UGT1A7: variants seen among roughly 807,000 people sequenced by gnomAD.
UGT1A7 encodes UDP-glucuronosyltransferase 1A7.
A neutral mutation model predicts 45.6 loss-of-function variants in UGT1A7; 33 were observed. The ratio of observed to expected loss-of-function variants is 0.72; its 90% CI spans 0.55 to 0.97. The LOEUF is 0.97. Ranked by LOEUF, UGT1A7 falls within the 50% of genes least tolerant of loss-of-function variation. The pLI is 0.00. For missense variants in UGT1A7, 684 were observed against 666.2 expected (o/e 1.03, Z -0.29); for synonymous variants, 274 against 250.6 (o/e 1.09, Z -0.88).
intron 1 of UGT1A7, among the ~76,000 whole-genome samples, chr2:233,726,265 C>T (rs569256499): frequency 2.6e-5 from 4 of 152,302 alleles, no homozygotes; most frequent in East Asian, 1.9e-4. Context: ...CAGTGGCATG[C>T]GCCTATGGTC....
intron 1 of UGT1A7, chr2:233,719,510 T>G: frequency 6.2e-7 from 1 of 1,614,000 alleles, no homozygotes. Flanking sequence ...TTTCTGCCCC[T>G]TATGCAAGTC....
chr2:233,754,611 T>A (rs562553027), intron 1 of UGT1A7: 1 of 437,308 alleles, frequency 2.3e-6, no homozygotes, highest in East Asian at 7.0e-5. Flanking sequence ...CAACTCTCCA[T>A]CTTCCTCCAC....
chr2:233,683,403 G>A (rs1575431049), intron 1 of UGT1A7, among the ~76,000 whole-genome samples: 1 of 152,064 alleles, frequency 6.6e-6, no homozygotes, highest in East Asian at 1.9e-4. Flanking sequence ...AGATTTAAGT[G>A]TTTTCCACTT....
chr2:233,721,642 T>A (rs1280370811), intron 1 of UGT1A7: 1 of 207,198 alleles, frequency 4.8e-6, no homozygotes. Context: ...ATCTTGAATG[T>A]GGCAGTGGGG....
In UGT1A7 at chr2:233,718,987, A is replaced by G. The variant is rs1226240136; in HGVS notation, c.855+36195A>G. On this transcript the variant is annotated intron_variant, in intron 1 of 4. Transcript: ENST00000373426. ...TTGCGGGAGCTCCATGCCAGAGGCC[A>G]CCAGGCGGTGGTCCTCACCCCAGAG... 6.2e-7 allele frequency: 1 copy of G among 1,614,246 alleles called. No individual in the cohort carries two copies. Among genetic ancestry groups the G allele is most frequent in the East Asian group, 2.2e-5 (1 of 44,884 alleles).
intron 1 of UGT1A7, among the ~76,000 whole-genome samples, chr2:233,737,292 G>T (rs573133918): frequency 6.6e-6 from 1 of 152,194 alleles, no homozygotes; most frequent in Non-Finnish European, 1.5e-5. Flanking sequence ...CCAGGCTGCC[G>T]CCTCACAGTT....
intron 1 of UGT1A7, chr2:233,718,892 C>T (rs775726544): frequency 6.2e-7 from 1 of 1,614,020 alleles, no homozygotes; most frequent in South Asian, 1.1e-5. Flanking sequence ...GTGTCCAGCC[C>T]TGGGCTGAGA....
intron 1 of UGT1A7, among the ~76,000 whole-genome samples, chr2:233,746,736 T>A (rs1693464828): frequency 6.6e-6 from 1 of 151,854 alleles, no homozygotes; most frequent in African/African-American, 2.4e-5. Flanking sequence ...GATTCTGCTT[T>A]GGTTCCAAAG....
chr2:233,759,342 C>A (rs1337999825), intron 1 of UGT1A7, among the ~76,000 whole-genome samples: 1 of 152,112 alleles, frequency 6.6e-6, no homozygotes, highest in Non-Finnish European at 1.5e-5. Flanking sequence ...TTCAGGTGAG[C>A]GCTGAAAATC....
chr2:233,753,719 T>C (rs1290190977), intron 1 of UGT1A7: 1 of 152,208 alleles, frequency 6.6e-6, no homozygotes, highest in Non-Finnish European at 1.5e-5. Flanking sequence ...TCAACCTAAT[T>C]TGATATGCCC....
intron 4 of UGT1A7, chr2:233,771,247 T>G (rs1205920576): frequency 6.6e-6 from 1 of 152,190 alleles, no homozygotes; most frequent in Non-Finnish European, 1.5e-5. Flanking sequence ...TAATTAGTCC[T>G]GAATAGGAGT....
chr2:233,690,906 T>A (rs1187282052), intron 1 of UGT1A7: 1 of 1,025,974 alleles, frequency 9.7e-7, no homozygotes, highest in African/African-American at 1.7e-5. Flanking sequence ...TGCATAGTGA[T>A]GTTAGTTTCA....
At chr2:233,706,776 GGAGA>G (rs1475683157) in intron 1 of UGT1A7, among the ~76,000 whole-genome samples, 1 of 152,236 alleles carries the variant, frequency 6.6e-6, no homozygotes, top group East Asian at 1.9e-4. Context: ...TCCATCTCTG[GGAGA>G]GAAATACCAT....
chr2:233,711,711 G>T (rs2076193469), intron 1 of UGT1A7, among the ~76,000 whole-genome samples: 1 of 152,232 alleles, frequency 6.6e-6, no homozygotes, highest in Admixed American at 6.5e-5. Context: ...CCTAAGGGAA[G>T]CCTCAGCTTC....
chr2:233,722,742 T>C (rs1475183265), intron 1 of UGT1A7, among the ~76,000 whole-genome samples: 1 of 152,178 alleles, frequency 6.6e-6, no homozygotes, highest in African/African-American at 2.4e-5. Flanking sequence ...TTTGATGCAG[T>C]GACTGTCTAT....
chr2:233,735,469 G>T (rs1476007711), intron 1 of UGT1A7, among the ~76,000 whole-genome samples: 1 of 152,020 alleles, frequency 6.6e-6, no homozygotes, highest in African/African-American at 2.4e-5. Context: ...TATCCAATTT[G>T]CCAGTCTGTG....
At chr2:233,711,765 G>A (rs539834648) in intron 1 of UGT1A7, among the ~76,000 whole-genome samples, 1 of 152,368 alleles carries the variant, frequency 6.6e-6, no homozygotes, top group South Asian at 2.1e-4. Flanking sequence ...CACAGAGGAA[G>A]TGAGATAGAA....
chr2:233,765,693 AAAT>A (rs1266056248), intron 1 of UGT1A7, among the ~76,000 whole-genome samples: 9 of 147,360 alleles, frequency 6.1e-5, no homozygotes, highest in East Asian at 2.0e-4. Flanking sequence ...AACTTCAAGT[AAAT>A]AATAATAATA....
chr2:233,754,865 T>G, intron 1 of UGT1A7: 2 of 1,351,074 alleles, frequency 1.5e-6, no homozygotes, highest in Non-Finnish European at 2.0e-6. Flanking sequence ...GTGCAGACCC[T>G]CTGCTTCTGC....
Sources: gnomAD v4.1 joint callset for allele counts (sites outside exome capture counted in the v4.1 genomes callset) on GRCh38, gnomAD v4.1.1 for gene constraint, MANE v1.5 for transcripts, NCBI Gene and HGNC (gene_info 2026-07-23, HGNC 2026-07-21) for gene names.